Variants in CNOT6 observed in about 807,000 individuals in gnomAD.
CNOT6 encodes CCR4-NOT transcription complex subunit 6, also known as carbon catabolite repression 4 protein.
A neutral mutation model predicts 61.2 loss-of-function variants in CNOT6; 12 were observed. The ratio of observed to expected loss-of-function variants is 0.20; its 90% CI spans 0.13 to 0.32. The LOEUF (loss-of-function observed/expected upper bound fraction) is 0.32, where lower values mean the gene tolerates loss of function less well. Ranked by LOEUF, CNOT6 falls within the 10% of genes least tolerant of loss-of-function variation. CNOT6 has a pLI of 1.00. For synonymous variants in CNOT6, 225 were observed against 240.6 expected (o/e 0.94, Z 0.60); for missense variants, 405 against 663.9 (o/e 0.61, Z 4.28).
chr5:180,531,532 C>T (rs11249718), intron 2 of CNOT6, among the ~76,000 whole-genome samples: 65,817 of 147,522 alleles, frequency 0.45, 15,259 homozygotes, highest in Non-Finnish European at 0.55. Flanking sequence ...CTCCTCACAT[C>T]CCAGACGATG....
chr5:180,554,111 G>T (rs1319519824), intron 4 of CNOT6, among the ~76,000 whole-genome samples: 1 of 152,130 alleles, frequency 6.6e-6, no homozygotes, highest in Non-Finnish European at 1.5e-5. Context: ...GTCACTAGAT[G>T]AAGTCGTCAA....
At chr5:180,528,191 T>C (rs1758189395) in intron 1 of CNOT6, among the ~76,000 whole-genome samples, 1 of 152,250 alleles carries the variant, frequency 6.6e-6, no homozygotes, top group Non-Finnish European at 1.5e-5. Flanking sequence ...GATTGTAAAC[T>C]GATTATTTTC....
intron 2 of CNOT6, among the ~76,000 whole-genome samples, chr5:180,539,738 C>T (rs1463533300): frequency 2.0e-5 from 3 of 151,192 alleles, no homozygotes; most frequent in Admixed American, 6.6e-5. Flanking sequence ...TACAGGCACC[C>T]GCCACCACAC....
intron 1 of CNOT6, among the ~76,000 whole-genome samples, chr5:180,497,343 G>A (rs1056271007): frequency 1.6e-4 from 19 of 118,618 alleles, no homozygotes; most frequent in African/African-American, 2.2e-4. Context: ...AAAAAAAAAA[G>A]TATGCATTTT....
At chr5:180,533,337 TA>T (rs1394198210) in intron 2 of CNOT6, among the ~76,000 whole-genome samples, 3 of 87,812 alleles carry the variant, frequency 3.4e-5, no homozygotes, top group Non-Finnish European at 8.3e-5. Context: ...TATATATATA[TA>T]TATATCACCG....
chr5:180,542,385 C>T (rs1382682556), intron 2 of CNOT6, among the ~76,000 whole-genome samples: 1 of 152,042 alleles, frequency 6.6e-6, no homozygotes, highest in Admixed American at 6.6e-5. Context: ...CTGCATCAGC[C>T]TCCCGAGTAG....
At chr5:180,500,623 C>T (rs1377530523) in intron 1 of CNOT6, among the ~76,000 whole-genome samples, 3 of 152,066 alleles carry the variant, frequency 2.0e-5, no homozygotes, top group Non-Finnish European at 2.9e-5. Context: ...GTTTTCAAAA[C>T]AAGTTTTATA....
At chr5:180,545,785 T>TAA (rs912461269) in intron 2 of CNOT6, among the ~76,000 whole-genome samples, 3 of 152,224 alleles carry the variant, frequency 2.0e-5, no homozygotes, top group African/African-American at 7.2e-5. Flanking sequence ...TTTGCAAAGA[T>TAA]GTCTTGTTTC....
At chr5:180,507,171 T>G (rs1336942183) in intron 1 of CNOT6, among the ~76,000 whole-genome samples, 1 of 152,116 alleles carries the variant, frequency 6.6e-6, no homozygotes, top group African/African-American at 2.4e-5. Context: ...CATGAAGGTT[T>G]GTGAGGGGTA....
intron 3 of CNOT6, among the ~76,000 whole-genome samples, chr5:180,552,633 G>T (rs559491103): frequency 1.4e-5 from 2 of 143,998 alleles, no homozygotes; most frequent in Non-Finnish European, 3.0e-5. Flanking sequence ...GCAATGGAGC[G>T]AGACTCCGTC....
chr5:180,524,341 C>T (rs1758001081), intron 1 of CNOT6, among the ~76,000 whole-genome samples: 1 of 152,166 alleles, frequency 6.6e-6, no homozygotes, highest in South Asian at 2.1e-4. Context: ...TATATCCTTT[C>T]CTTTACCTAA....
intron 2 of CNOT6, among the ~76,000 whole-genome samples, chr5:180,545,825 C>G (rs1485682519): frequency 6.6e-6 from 1 of 152,098 alleles, no homozygotes; most frequent in Non-Finnish European, 1.5e-5. Flanking sequence ...TTGATCCATG[C>G]CCTCACCAAC....
At chr5:180,531,430 G>A (rs183163619) in intron 2 of CNOT6, among the ~76,000 whole-genome samples, 2,269 of 151,856 alleles carry the variant, frequency 0.015, 46 homozygotes, top group African/African-American at 0.051. Context: ...GACGATGGGC[G>A]GCCGGGCAGA....
intron 1 of CNOT6, chr5:180,495,433 T>G (rs1181202684): frequency 1.3e-5 from 2 of 152,224 alleles, no homozygotes; most frequent in African/African-American, 4.8e-5. Context: ...CTAATCGCTA[T>G]TTTCTTTGGA....
intron 10 of CNOT6, 60 bp downstream of exon 10, chr5:180,569,400 T>C: frequency 7.6e-7 from 1 of 1,316,558 alleles, no homozygotes; most frequent in Non-Finnish European, 1.1e-6. Context: ...TTTAGTAATG[T>C]TTTGTTTCTG....
At chr5:180,537,116 G>A (rs1387324740) in intron 2 of CNOT6, among the ~76,000 whole-genome samples, 1 of 152,224 alleles carries the variant, frequency 6.6e-6, no homozygotes, top group East Asian at 1.9e-4. Flanking sequence ...AAACATCTGT[G>A]TGCAGTTCTT....
chr5:180,529,262 C>T lies in CNOT6; in HGVS notation c.-2-13C>T, dbSNP rs1421353951. 1.6e-6 allele frequency: 2 copies of T among 1,278,286 alleles called. No homozygotes were observed. The highest frequency in any genetic ancestry group is 1.5e-5 in the African/African-American group (1 of 66,784). 79.2% of individuals were successfully genotyped at this position (1,278,286 alleles called of 1,614,324 possible). A position where few individuals can be genotyped will look rare whatever the true frequency, so the allele number is the denominator to read the frequency against. ...GATTTTTTAGAATACTGATTGGTTTCTTTTCTTAACAGGCATGCCCAAAGA... is the reference window on the plus strand; with the variant it reads ...GATTTTTTAGAATACTGATTGGTTTTTTTTCTTAACAGGCATGCCCAAAGA... On this transcript the variant is annotated splice_polypyrimidine_tract_variant and intron_variant, in intron 1 of 11. Transcript: ENST00000261951.
At chr5:180,554,442 A>C (rs1052880655) in intron 4 of CNOT6, among the ~76,000 whole-genome samples, 4 of 150,998 alleles carry the variant, frequency 2.6e-5, no homozygotes, top group Middle Eastern at 3.2e-3. Flanking sequence ...AAGGAATTGC[A>C]CTCTTAGTTT....
intron 1 of CNOT6, among the ~76,000 whole-genome samples, chr5:180,523,835 C>T (rs1221138375): frequency 4.6e-5 from 7 of 152,038 alleles, no homozygotes; most frequent in South Asian, 2.1e-4. Flanking sequence ...ACGTGCAGGC[C>T]GCTCTTTAAA....
Sources: gnomAD v4.1 joint callset for allele counts (sites outside exome capture counted in the v4.1 genomes callset) on GRCh38, gnomAD v4.1.1 for gene constraint, MANE v1.5 for transcripts, NCBI Gene and HGNC (gene_info 2026-07-23, HGNC 2026-07-21) for gene names.